Variants in DPP10 observed in about 807,000 individuals in gnomAD.
DPP10 encodes dipeptidyl peptidase like 10, also known as inactive dipeptidyl peptidase 10.
Under a neutral mutation model 120.9 loss-of-function variants are expected in DPP10, and 33 were observed. The observed-to-expected ratio is 0.27, with a 90% CI of 0.21 to 0.37. The LOEUF is 0.37. Ranked by LOEUF, DPP10 falls within the 10% of genes least tolerant of loss-of-function variation. DPP10 has a pLI of 1.00. For synonymous variants in DPP10, 337 were observed against 326.1 expected, an observed-to-expected ratio of 1.03 and a Z score of -0.36; for missense variants, 816 against 942.8, an observed-to-expected ratio of 0.87 and a Z score of 1.76.
chr2:114,792,483 C>T (rs1558746304), intron 1 of DPP10, among the ~76,000 whole-genome samples: 1 of 152,212 alleles, frequency 6.6e-6, no homozygotes, highest in Non-Finnish European at 1.5e-5. Flanking sequence ...ATAGTTAACA[C>T]AGCAGGCCTG....
At chr2:114,901,347 G>GC (rs747674846) in intron 1 of DPP10, among the ~76,000 whole-genome samples, 2 of 152,068 alleles carry the variant, frequency 1.3e-5, no homozygotes, top group Non-Finnish European at 2.9e-5. Flanking sequence ...ACAGGCACCT[G>GC]CCACCACACC....
At chr2:115,046,498 A>G (rs1308214890) in intron 1 of DPP10, among the ~76,000 whole-genome samples, 3 of 152,210 alleles carry the variant, frequency 2.0e-5, no homozygotes, top group Non-Finnish European at 4.4e-5. Context: ...AAGGTATATT[A>G]CATCCAATTA....
intron 1 of DPP10, among the ~76,000 whole-genome samples, chr2:114,901,752 G>A (rs562292583): frequency 7.9e-4 from 121 of 152,330 alleles, no homozygotes; most frequent in African/African-American, 2.8e-3. Context: ...GACCAGGGCA[G>A]AGCTTTCAGT....
At chr2:115,815,823 T>G (rs928211547) in intron 21 of DPP10, 94 bp downstream of exon 21, 1 of 1,250,176 alleles carries the variant, frequency 8.0e-7, no homozygotes, top group Non-Finnish European at 1.1e-6. Flanking sequence ...TGGTTACAGA[T>G]AAGTTCCATA....
intron 1 of DPP10, among the ~76,000 whole-genome samples, chr2:114,812,922 A>G (rs1194155611): frequency 6.6e-6 from 1 of 152,190 alleles, no homozygotes; most frequent in African/African-American, 2.4e-5. Flanking sequence ...CCAAGGATAG[A>G]ACACCACCCA....
At chr2:115,088,750 C>CAAAAAAA (rs70941027) in intron 1 of DPP10, among the ~76,000 whole-genome samples, 2,587 of 64,928 alleles carry the variant, frequency 0.04, 324 homozygotes, top group Non-Finnish European at 0.048. Context: ...CTGTGCCTGA[C>CAAAAAAA]AAAAAAAAAA....
intron 1 of DPP10, among the ~76,000 whole-genome samples, chr2:114,663,502 AC>A (rs1443723984): frequency 6.6e-6 from 1 of 150,382 alleles, no homozygotes; most frequent in Non-Finnish European, 1.5e-5. Flanking sequence ...CCCCAACAGG[AC>A]CCGCTGTAAT....
rs187587642 is a variant in DPP10, at chr2:114,591,653, C to T, written c.60+148815C>T. 8.7e-5 allele frequency among the ~76,000 whole-genome samples: 13 copies of T among 149,658 alleles called. No individual in the cohort carries two copies. The East Asian group carries it at 2.4e-3, about 28-fold the overall frequency. On this transcript the variant is annotated intron_variant, in intron 1 of 25. Transcript: ENST00000410059. ...CACTGCAACCTCTGCCTTCCTGGTTCAAGTGATTCTCCTGCCTTAGCCTCC... is the reference window on the plus strand; with the variant it reads ...CACTGCAACCTCTGCCTTCCTGGTTTAAGTGATTCTCCTGCCTTAGCCTCC...
chr2:115,184,413 C>T (rs1432915086), intron 1 of DPP10, among the ~76,000 whole-genome samples: 1 of 152,194 alleles, frequency 6.6e-6, no homozygotes, highest in Admixed American at 6.5e-5. Flanking sequence ...GCGTGAATAT[C>T]TGTAGAAGAC....
At chr2:114,895,911 T>C (rs1692922915) in intron 1 of DPP10, among the ~76,000 whole-genome samples, 1 of 152,206 alleles carries the variant, frequency 6.6e-6, no homozygotes, top group Non-Finnish European at 1.5e-5. Context: ...AATTTTTGTA[T>C]AAGGTGTAAG....
chr2:115,134,936 A>G (rs1019503793), intron 1 of DPP10, among the ~76,000 whole-genome samples: 16 of 152,094 alleles, frequency 1.1e-4, no homozygotes, highest in African/African-American at 3.9e-4. Context: ...GCCTGGACAG[A>G]GGGAGGGAAC....
chr2:115,110,156 C>G lies in DPP10; in HGVS notation c.61-199083C>G, dbSNP rs944083639. Among the ~76,000 whole-genome samples the G allele has an allele frequency of 4.6e-5, 7 of 152,304 alleles. No individual in the cohort carries two copies. The East Asian group carries it at 1.3e-3, about 29-fold the overall frequency. On this transcript the variant is annotated intron_variant, in intron 1 of 25. Coordinates refer to ENST00000410059, the MANE Select transcript of DPP10 (RefSeq NM_020868.6). ...CTCGATTTCCCACCCTCCTTTACAT[C>G]GACTTCTCACTTCAGTTTCTCCAGA...
At chr2:115,799,537 A>C (rs1394224954) in intron 19 of DPP10, among the ~76,000 whole-genome samples, 1 of 151,032 alleles carries the variant, frequency 6.6e-6, no homozygotes, top group Admixed American at 6.6e-5. Flanking sequence ...GCACCCATTA[A>C]CACGTCATTT....
chr2:114,658,707 T>C (rs956426475), intron 1 of DPP10, among the ~76,000 whole-genome samples: 1 of 152,192 alleles, frequency 6.6e-6, no homozygotes, highest in Admixed American at 6.5e-5. Flanking sequence ...AACAGATAAA[T>C]TGAGCATCTC....
intron 1 of DPP10, among the ~76,000 whole-genome samples, chr2:115,100,755 A>T (rs1256627337): frequency 6.6e-6 from 1 of 152,112 alleles, no homozygotes; most frequent in Non-Finnish European, 1.5e-5. Context: ...TGACACAAAG[A>T]TGTTCACAAA....
intron 1 of DPP10, among the ~76,000 whole-genome samples, chr2:114,567,806 A>T (rs1275305556): frequency 6.6e-6 from 1 of 152,182 alleles, no homozygotes; most frequent in Non-Finnish European, 1.5e-5. Context: ...TGGGCACTGA[A>T]CAATGAGAAC....
intron 1 of DPP10, among the ~76,000 whole-genome samples, chr2:114,639,787 G>A (rs1464694731): frequency 5.3e-5 from 8 of 151,770 alleles, no homozygotes; most frequent in Non-Finnish European, 1.2e-4. Flanking sequence ...CTTTTATCAA[G>A]TTATTACCTT....
chr2:115,148,629 T>C (rs1014779277), intron 1 of DPP10, among the ~76,000 whole-genome samples: 1 of 152,206 alleles, frequency 6.6e-6, no homozygotes, highest in Non-Finnish European at 1.5e-5. Context: ...TTTTATTTTA[T>C]ATTTTTTAAT....
intron 4 of DPP10, among the ~76,000 whole-genome samples, chr2:115,514,391 T>C (rs2077391165): frequency 6.6e-6 from 1 of 151,758 alleles, no homozygotes; most frequent in Admixed American, 6.6e-5. Flanking sequence ...ATAGTCTTTA[T>C]GGTTTTCCTT....
Sources: gnomAD v4.1 joint callset for allele counts (sites outside exome capture counted in the v4.1 genomes callset) on GRCh38, gnomAD v4.1.1 for gene constraint, MANE v1.5 for transcripts, NCBI Gene and HGNC (gene_info 2026-07-23, HGNC 2026-07-21) for gene names.